The following VPS13A variants were observed in gnomAD, a reference collection of about 807,000 sequenced individuals.
The protein encoded by VPS13A is vacuolar protein sorting 13 homolog A, also known as intermembrane lipid transfer protein VPS13A.
VPS13A carries 264 observed loss-of-function variants against 390.9 expected under a neutral mutation model. The observed-to-expected ratio is 0.68, with a 90% CI of 0.61 to 0.75. The LOEUF (loss-of-function observed/expected upper bound fraction) is 0.75, where lower values mean the gene tolerates loss of function less well. Ranked by LOEUF, VPS13A falls within the 30% of genes least tolerant of loss-of-function variation. VPS13A has a pLI of 0.00. For missense variants in VPS13A, 3,409 were observed against 3,733.9 expected, an observed-to-expected ratio of 0.91 and a Z score of 2.27; for synonymous variants, 1,231 against 1,227.1, an observed-to-expected ratio of 1.00 and a Z score of -0.07.
chr9:77,419,981 G>C lies in VPS13A; in HGVS notation c.*3975G>C, dbSNP rs1180770080. On this transcript the variant is annotated 3_prime_UTR_variant, in exon 72 of 72. Coordinates refer to ENST00000360280, the MANE Select transcript of VPS13A (RefSeq NM_033305.3). ...ATTTCCTCATTTCTTTAAGATCCAA[G>C]TAGAAAATGTAAATAACTTACATTC... 6.6e-6 allele frequency: 1 copy of C among 152,128 alleles called. No individual in the cohort carries two copies. The highest frequency in any genetic ancestry group is 1.5e-5 in the Non-Finnish European group (1 of 68,026). 9.4% of individuals were successfully genotyped at this position (152,128 alleles called of 1,614,324 possible).
intron 52 of VPS13A, among the ~76,000 whole-genome samples, chr9:77,349,936 G>A (rs961995865): frequency 3.3e-5 from 5 of 151,962 alleles, no homozygotes; most frequent in South Asian, 4.2e-4. Flanking sequence ...GAACCACCGC[G>A]CCCAGCCCAG....
At position 77,368,101 on chromosome 9, in the gene VPS13A, C is replaced by G; in HGVS notation, c.8518C>G (p.Leu2840Val). The G allele has an allele frequency of 6.2e-7, 1 of 1,612,498 alleles. No homozygotes were observed. The highest frequency in any genetic ancestry group is 1.7e-4 in the Middle Eastern group (1 of 6,054). ...LNYQFHTTSD[L>V]QSEVIRHYSK... ...CTATCAGTTCCATACAACATCCGAT[C>G]TACAGTCTGAAGTCATAAGACACTA... Residue 2840 changes from leucine to valine, a missense_variant, in exon 62 of 72, where the codon CTA becomes GTA. By Grantham distance (32) the Leu-to-Val change is conservative (BLOSUM62 1). Coordinates refer to ENST00000360280, the MANE Select transcript of VPS13A (RefSeq NM_033305.3).
chr9:77,411,136 A>G (rs927744499), intron 71 of VPS13A, among the ~76,000 whole-genome samples: 1 of 152,192 alleles, frequency 6.6e-6, no homozygotes, highest in Non-Finnish European at 1.5e-5. Flanking sequence ...TAAGAAACTC[A>G]CTTAAAACCA....
chr9:77,332,704 A>G (rs989661233), intron 46 of VPS13A, among the ~76,000 whole-genome samples: 1 of 152,208 alleles, frequency 6.6e-6, no homozygotes, highest in Non-Finnish European at 1.5e-5. Flanking sequence ...TAGTCAAGAT[A>G]TGTAATCTGG....
chr9:77,314,594 T>G lies in VPS13A; in HGVS notation c.4342T>G (p.Phe1448Val). 1 of 1,611,800 alleles carries G rather than the reference T, an allele frequency of 6.2e-7. No homozygotes were observed. Among genetic ancestry groups the G allele is most frequent in the Non-Finnish European group, 8.5e-7 (1 of 1,178,848 alleles). Residue 1448 changes from phenylalanine to valine, a missense_variant, in exon 37 of 72, where the codon TTT (phenylalanine) becomes GTT (valine). By Grantham distance (50) the Phe-to-Val change is conservative. Coordinates refer to ENST00000360280, the MANE Select transcript of VPS13A (RefSeq NM_033305.3). ...AAAAATGTATACAGATGGCTCAACA[T>G]TTTCTTCCTTCTCATTAAAAAACTG... ...TLKMYTDGSTFSSFSLKNCIL... is the reference protein window; with the variant it reads ...TLKMYTDGSTVSSFSLKNCIL...
chr9:77,349,107 A>G (rs1045726192), intron 52 of VPS13A, among the ~76,000 whole-genome samples: 6 of 152,188 alleles, frequency 3.9e-5, no homozygotes, highest in Non-Finnish European at 5.9e-5. Flanking sequence ...TTTAAAAAAT[A>G]CTACAGAAAA....
intron 10 of VPS13A, among the ~76,000 whole-genome samples, chr9:77,215,706 A>G (rs1447367925): frequency 6.6e-6 from 1 of 152,222 alleles, no homozygotes; most frequent in African/African-American, 2.4e-5. Flanking sequence ...CCCAAAAGAG[A>G]GGGTCCCCCT....
chr9:77,252,285 T>G lies in VPS13A; in HGVS notation c.2221T>G (p.Leu741Val), dbSNP rs574465550. ...ACTCAGTGTATCTACCCAGCATATTTTGGTACCCATGCACTTCAATTTGGA... is the reference window on the plus strand; with the variant it reads ...ACTCAGTGTATCTACCCAGCATATTGTGGTACCCATGCACTTCAATTTGGA... ...RKLSVSTQHI[L>V]VPMHFNLELS... The change falls in exon 22 of 72, where the codon TTG becomes GTG. Residue 741 changes from leucine to valine, a missense_variant. Around this residue, in one of 5 missense-constraint regions of VPS13A, gnomAD observed 2,717 missense variants for 2,917.4 expected, o/e 0.93. Transcript: ENST00000360280. 3.1e-6 allele frequency: 5 copies of G among 1,614,056 alleles called. No homozygotes were observed. The African/African-American group carries it at 6.7e-5, about 22-fold the overall frequency.
At chr9:77,372,981 A>G (rs1036369849) in intron 67 of VPS13A, among the ~76,000 whole-genome samples, 2 of 152,120 alleles carry the variant, frequency 1.3e-5, no homozygotes, top group Admixed American at 1.3e-4. Context: ...CAAGGAAATA[A>G]AAGAGGATAC....
chr9:77,382,017 G>C lies in VPS13A; in HGVS notation c.9119G>C (p.Arg3040Pro), dbSNP rs148458576. Reference protein sequence around the residue: ...TSEVESLRPPRFFNEDGVIRP... With the variant: ...TSEVESLRPPPFFNEDGVIRP... ...GAAGTGGAGAGTCTGCGACCTCCTC[G>C]GTTCTTCAATGAAGATGGAGTTATC... Residue 3040 changes from arginine (R) to proline (P), a missense_variant, in exon 68 of 72, where the codon CGG (arginine) becomes CCG (proline). By Grantham distance (103) the Arg-to-Pro change is moderately radical. Coordinates refer to ENST00000360280, the MANE Select transcript of VPS13A (RefSeq NM_033305.3). 6.2e-7 allele frequency: 1 copy of C among 1,607,906 alleles called. No individual in the cohort carries two copies. The highest frequency in any genetic ancestry group is 8.5e-7 in the Non-Finnish European group (1 of 1,176,858).
intron 1 of VPS13A, among the ~76,000 whole-genome samples, chr9:77,182,511 A>G (rs1033519259): frequency 1.3e-5 from 2 of 152,200 alleles, no homozygotes; most frequent in Non-Finnish European, 2.9e-5. Context: ...GGACATGAAA[A>G]TATTTTTTTA....
chr9:77,403,106 A>G, intron 68 of VPS13A, 130 bp from the exon 69 acceptor site: 1 of 660,838 alleles, frequency 1.5e-6, no homozygotes, highest in Non-Finnish European at 2.7e-6. Flanking sequence ...TTTACAAATA[A>G]TTAAATGTTT....
At chr9:77,332,836 C>A (rs972788616) in intron 46 of VPS13A, among the ~76,000 whole-genome samples, 8 of 152,174 alleles carry the variant, frequency 5.3e-5, no homozygotes, top group Non-Finnish European at 1.2e-4. Context: ...TAGGTACTTA[C>A]CTCAATGCTA....
chr9:77,294,690 C>T (rs1827871303), intron 32 of VPS13A, among the ~76,000 whole-genome samples: 1 of 151,914 alleles, frequency 6.6e-6, no homozygotes, highest in African/African-American at 2.4e-5. Context: ...ACAAGTATTC[C>T]TTGTTGAATT....
intron 1 of VPS13A, among the ~76,000 whole-genome samples, chr9:77,195,489 C>T (rs532809283): frequency 2.4e-4 from 37 of 152,260 alleles, no homozygotes; most frequent in Non-Finnish European, 4.0e-4. Flanking sequence ...GTAATCCCAG[C>T]GTTCTGGGAG....
At chr9:77,282,301 A>C (rs1048188900) in intron 29 of VPS13A, 27 bp downstream of exon 29, 19 of 1,593,094 alleles carry the variant, frequency 1.2e-5, no homozygotes, top group Non-Finnish European at 1.5e-5. Flanking sequence ...TTTAGCATCA[A>C]CTTTTTTTTT....
At chr9:77,238,411 G>A (rs575851015) in intron 19 of VPS13A, 25 bp downstream of exon 19, 29 of 1,497,610 alleles carry the variant, frequency 1.9e-5, no homozygotes, top group African/African-American at 1.2e-4. Flanking sequence ...TAATGTTGGT[G>A]AATTAAATAC....
At chr9:77,227,158 T>C (rs1207705045) in intron 15 of VPS13A, among the ~76,000 whole-genome samples, 1 of 152,190 alleles carries the variant, frequency 6.6e-6, no homozygotes, top group Non-Finnish European at 1.5e-5. Context: ...GTTTTTGAGC[T>C]CTTGCTTAAT....
rs778244081 is a variant in VPS13A at position 77,214,405 on chromosome 9, A to AT, written c.754+20dup. ...GATTTTGGTAAGTACATTTTATAAG[A>AT]TAAAAAAAGTAGTTAAAGTAATTGG... On this transcript the variant is annotated intron_variant, in intron 10 of 71. Coordinates refer to ENST00000360280, the MANE Select transcript of VPS13A (RefSeq NM_033305.3). 14 of 1,593,922 alleles carry AT rather than the reference A, an allele frequency of 8.8e-6. No homozygotes were observed. The highest frequency in any genetic ancestry group is 1.7e-4 in the Middle Eastern group (1 of 6,008).
Sources: gnomAD v4.1 joint callset for allele counts (sites outside exome capture counted in the v4.1 genomes callset) on GRCh38, gnomAD v4.1.1 for gene constraint, gnomAD v4.1.1 regional missense constraint, MANE v1.5 for transcripts, NCBI Gene and HGNC (gene_info 2026-07-23, HGNC 2026-07-21) for gene names.